Variants in DCDC1 observed in about 807,000 individuals in gnomAD.
The protein encoded by DCDC1 is doublecortin domain-containing protein 1.
Under a neutral mutation model 178.3 loss-of-function variants are expected in DCDC1, and 200 were observed. The ratio of observed to expected loss-of-function variants is 1.12; its 90% CI spans 1.00 to 1.26. The LOEUF (loss-of-function observed/expected upper bound fraction) is 1.26. DCDC1 is among the 50% of genes most tolerant of loss of function. The probability of loss-of-function intolerance (pLI) is 0.00; values close to 1 mark genes in which losing one functional copy is unlikely to be tolerated. For synonymous variants in DCDC1, 690 were observed against 604.8 expected, an observed-to-expected ratio of 1.14 and a Z score of -2.07; for missense variants, 1,983 against 1,749.2, an observed-to-expected ratio of 1.13 and a Z score of -2.38.
chr11:31,271,600 A>G (rs984127199), intron 7 of DCDC1, among the ~76,000 whole-genome samples: 1 of 152,206 alleles, frequency 6.6e-6, no homozygotes, highest in African/African-American at 2.4e-5. Context: ...CACAATGATT[A>G]CCAATTACTA....
chr11:31,275,746 C>T (rs1404454032), intron 7 of DCDC1, among the ~76,000 whole-genome samples: 5 of 152,114 alleles, frequency 3.3e-5, no homozygotes, highest in East Asian at 1.9e-4. Flanking sequence ...TCAGGTGTTC[C>T]GCCTTCCTTG....
At chr11:30,919,637 A>C (rs17331559) in intron 25 of DCDC1, among the ~76,000 whole-genome samples, 33,746 of 152,108 alleles carry the variant, frequency 0.22, 4,714 homozygotes, top group Middle Eastern at 0.33. Flanking sequence ...TTCTCTCTGA[A>C]AAATGCCTTC....
chr11:30,876,512 T>G (rs1472721505), intron 38 of DCDC1, among the ~76,000 whole-genome samples: 2 of 152,212 alleles, frequency 1.3e-5, no homozygotes, highest in Non-Finnish European at 2.9e-5. Flanking sequence ...TGGTAAAATG[T>G]GATGTGTTGA....
chr11:31,023,059 C>T (rs1053488908), intron 20 of DCDC1, among the ~76,000 whole-genome samples: 3 of 152,024 alleles, frequency 2.0e-5, no homozygotes, highest in Admixed American at 2.0e-4. Flanking sequence ...GCAAAGGCTC[C>T]ACTCTAAGGA....
At position 30,974,990 on chromosome 11, in the gene DCDC1, T is replaced by G. The variant is rs563459719; in HGVS notation, c.2592-22422A>C. 2.6e-5 allele frequency among the ~76,000 whole-genome samples: 4 copies of G among 152,154 alleles called. No homozygotes were observed. In the East Asian group the frequency reaches 7.7e-4, roughly 29 times the overall value. On this transcript the variant is annotated intron_variant, in intron 20 of 38. Coordinates refer to ENST00000684477, the MANE Select transcript of DCDC1 (RefSeq NM_001387274.1). ...AATTTTCAACAAAATACTAGCAAAC[T>G]GAATCCAACAGTACATTAAAAAGAT...
At chr11:31,307,524 C>G (rs1487813639) in intron 4 of DCDC1, 115 bp downstream of exon 4, 2 of 1,390,390 alleles carry the variant, frequency 1.4e-6, no homozygotes, top group Non-Finnish European at 1.9e-6. Flanking sequence ...AAACAAAACC[C>G]GAGAGATGTG....
At chr11:31,122,372 T>C (rs1440598064) in intron 11 of DCDC1, among the ~76,000 whole-genome samples, 1 of 152,104 alleles carries the variant, frequency 6.6e-6, no homozygotes. Flanking sequence ...GCTATGATTG[T>C]CAGTCCTGCC....
intron 28 of DCDC1, among the ~76,000 whole-genome samples, chr11:30,909,535 G>C (rs1344097618): frequency 1.3e-5 from 2 of 151,744 alleles, no homozygotes; most frequent in Non-Finnish European, 2.9e-5. Flanking sequence ...TAATTTTTTA[G>C]GACAAATTTC....
chr11:31,226,878 T>C (rs1251132039), intron 9 of DCDC1, among the ~76,000 whole-genome samples: 2 of 152,060 alleles, frequency 1.3e-5, no homozygotes, highest in Non-Finnish European at 2.9e-5. Context: ...AAATCTCTTT[T>C]AAAATTTTCT....
intron 11 of DCDC1, 133 bp downstream of exon 11, chr11:31,127,336 G>A: frequency 3.9e-6 from 2 of 515,488 alleles, no homozygotes; most frequent in Admixed American, 3.6e-5. Context: ...ATCACCACTT[G>A]TAATATTACC....
chr11:31,067,455 A>C (rs183017630), intron 18 of DCDC1, among the ~76,000 whole-genome samples: 31 of 152,316 alleles, frequency 2.0e-4, no homozygotes, highest in African/African-American at 6.3e-4. Flanking sequence ...AAGAGTTGGC[A>C]AGAATGTGAA....
intron 20 of DCDC1, among the ~76,000 whole-genome samples, chr11:31,025,486 C>T (rs953233690): frequency 6.6e-6 from 1 of 151,742 alleles, no homozygotes; most frequent in Non-Finnish European, 1.5e-5. Context: ...AACCACAAAG[C>T]CCTTGAGCAC....
chr11:31,312,616 C>T (rs1472939341), intron 3 of DCDC1: 1 of 152,172 alleles, frequency 6.6e-6, no homozygotes, highest in Non-Finnish European at 1.5e-5. Flanking sequence ...TGGAATCTGG[C>T]TTCCTCTGCC....
At chr11:31,250,542 C>T (rs573296333) in intron 8 of DCDC1, among the ~76,000 whole-genome samples, 2 of 149,988 alleles carry the variant, frequency 1.3e-5, no homozygotes, top group East Asian at 2.0e-4. Flanking sequence ...AATAGATTTC[C>T]GTTAGATATA....
At chr11:31,164,074 G>A (rs1966558874) in intron 9 of DCDC1, among the ~76,000 whole-genome samples, 1 of 151,972 alleles carries the variant, frequency 6.6e-6, no homozygotes, top group Non-Finnish European at 1.5e-5. Flanking sequence ...TGCAGTGGTG[G>A]GTCAAAGCAA....
intron 9 of DCDC1, among the ~76,000 whole-genome samples, chr11:31,217,234 T>C (rs1195540830): frequency 6.6e-6 from 1 of 152,218 alleles, no homozygotes; most frequent in Admixed American, 6.5e-5. Flanking sequence ...GCAATGTCTT[T>C]ACTTTTGGTC....
At chr11:31,177,675 G>T (rs1222939492) in intron 9 of DCDC1, among the ~76,000 whole-genome samples, 3 of 152,042 alleles carry the variant, frequency 2.0e-5, no homozygotes, top group Admixed American at 2.0e-4. Context: ...GTGGAGGGAT[G>T]GCACATAACA....
intron 21 of DCDC1, among the ~76,000 whole-genome samples, chr11:30,934,093 T>C (rs1476727887): frequency 6.6e-6 from 1 of 152,192 alleles, no homozygotes; most frequent in Non-Finnish European, 1.5e-5. Context: ...ATTCCAAGTA[T>C]AACTGATGAA....
intron 36 of DCDC1, among the ~76,000 whole-genome samples, chr11:30,892,403 C>T (rs1195602805): frequency 6.6e-6 from 1 of 152,006 alleles, no homozygotes; most frequent in East Asian, 1.9e-4. Flanking sequence ...CTCTTGTGAA[C>T]TGGATTTAAA....
Sources: gnomAD v4.1 joint callset for allele counts (sites outside exome capture counted in the v4.1 genomes callset) on GRCh38, gnomAD v4.1.1 for gene constraint, MANE v1.5 for transcripts, NCBI Gene and HGNC (gene_info 2026-07-23, HGNC 2026-07-21) for gene names.